The following ATRX variants were observed in gnomAD, a reference collection of about 807,000 sequenced individuals.
ATRX encodes chromatin remodeler ATRX.
Under a neutral mutation model 172.6 loss-of-function variants are expected in ATRX, and 12 were observed. That is an observed-to-expected ratio of 0.07 (90% CI 0.04 to 0.11). The LOEUF is 0.11. Among genes scored for constraint, ATRX ranks in the 10% least tolerant of loss-of-function variants. The pLI is 1.00. For missense variants in ATRX, 1,368 were observed against 1,767.4 expected, an observed-to-expected ratio of 0.77 and a Z score of 4.05; for synonymous variants, 674 against 594.7, an observed-to-expected ratio of 1.13 and a Z score of -1.94.
intron 10 of ATRX, among the ~76,000 whole-genome samples, chrX:77,673,045 A>G (rs1038660095): frequency 1.8e-5 from 2 of 111,590 alleles, no homozygotes; most frequent in Admixed American, 1.9e-4. Flanking sequence ...ATGATCCTCA[A>G]AACTAATACT....
At chrX:77,528,862 C>T (rs1005153175) in intron 30 of ATRX, among the ~76,000 whole-genome samples, 1 of 111,601 alleles carries the variant, frequency 9.0e-6, no homozygotes, top group Non-Finnish European at 1.9e-5. Flanking sequence ...TAACAAATAT[C>T]GCTGGGCTAA....
At chrX:77,727,596 C>T (rs1557173801) in intron 1 of ATRX, among the ~76,000 whole-genome samples, 1 of 108,366 alleles carries the variant, frequency 9.2e-6, no homozygotes, top group African/African-American at 3.4e-5. Flanking sequence ...AAACCAAACA[C>T]TGCATGTTCT....
At chrX:77,589,255 G>A (rs1390929686) in intron 27 of ATRX, among the ~76,000 whole-genome samples, 1 of 111,525 alleles carries the variant, frequency 9.0e-6, no homozygotes, top group Admixed American at 9.5e-5. Context: ...TTATGTGAGG[G>A]AGTTTTGGGC....
chrX:77,756,069 C>T (rs782124676), intron 1 of ATRX, among the ~76,000 whole-genome samples: 21 of 112,029 alleles, frequency 1.9e-4, no homozygotes, highest in African/African-American at 4.2e-4. Context: ...AATCTAGAGA[C>T]GCAGTCTGGC....
intron 30 of ATRX, among the ~76,000 whole-genome samples, chrX:77,545,490 T>G (rs1351718986): frequency 2.7e-5 from 3 of 110,923 alleles, no homozygotes; most frequent in Non-Finnish European, 5.7e-5. Flanking sequence ...TCAAACAAAT[T>G]TAAGAGTCTA....
chrX:77,683,249 T>G lies in ATRX; in HGVS notation c.2007A>C (p.Glu669Asp), dbSNP rs2071354085. ...VKTTPLRRPT[E>D]TNPVTSNSDE... ...CTGAATTAGATGTTACAGGGTTAGTTTCTGTCGGTCGCCTCAAGGGTGTAG... is the reference window on the plus strand; with the variant it reads ...CTGAATTAGATGTTACAGGGTTAGTGTCTGTCGGTCGCCTCAAGGGTGTAG... The change falls in exon 9 of 35, where the codon GAA becomes GAC. Residue 669 changes from glutamate to aspartate, a missense_variant. Around this residue, in one of 17 missense-constraint regions of ATRX, gnomAD observed 843 missense variants for 643.1 expected, o/e 1.31. Coordinates refer to ENST00000373344, the MANE Select transcript of ATRX (RefSeq NM_000489.6). 12 of 1,211,338 alleles carry G rather than the reference T, an allele frequency of 9.9e-6. No homozygotes were observed. Among genetic ancestry groups the G allele is most frequent in the Non-Finnish European group, 1.3e-5 (12 of 895,224 alleles).
intron 1 of ATRX, among the ~76,000 whole-genome samples, chrX:77,778,853 A>G (rs891765945): frequency 9.0e-6 from 1 of 111,545 alleles, no homozygotes; most frequent in African/African-American, 3.3e-5. Flanking sequence ...GCTACTCCTC[A>G]CATCTGGAAT....
chrX:77,585,453 G>A (rs1569526753), intron 27 of ATRX, among the ~76,000 whole-genome samples: 1 of 105,238 alleles, frequency 9.5e-6, no homozygotes, highest in Non-Finnish European at 1.9e-5. Context: ...GTGTATGCCT[G>A]TAGTCCCAGC....
chrX:77,555,651 A>G (rs1299245138), intron 30 of ATRX, among the ~76,000 whole-genome samples: 3 of 110,691 alleles, frequency 2.7e-5, no homozygotes, highest in Non-Finnish European at 3.8e-5. Context: ...TGGCAGTTGA[A>G]CAATGAGAAC....
At chrX:77,536,431 T>C (rs2063751634) in intron 30 of ATRX, among the ~76,000 whole-genome samples, 1 of 111,492 alleles carries the variant, frequency 9.0e-6, no homozygotes, top group Non-Finnish European at 1.9e-5. Flanking sequence ...ATTCACCTAC[T>C]TAAACCCTTA....
At chrX:77,750,150 CTATTT>C (rs1175547720) in intron 1 of ATRX, among the ~76,000 whole-genome samples, 8 of 111,417 alleles carry the variant, frequency 7.2e-5, no homozygotes, top group South Asian at 7.5e-4. Flanking sequence ...TATAATTGTT[CTATTT>C]TATTATAGTT....
intron 30 of ATRX, among the ~76,000 whole-genome samples, chrX:77,525,377 A>AC (rs1364082546): frequency 2.7e-5 from 3 of 110,930 alleles, no homozygotes; most frequent in South Asian, 3.9e-4. Context: ...TCCTATGCCC[A>AC]CCCCCCCAAC....
At chrX:77,713,011 T>C (rs1288786790) in intron 2 of ATRX, among the ~76,000 whole-genome samples, 2 of 108,083 alleles carry the variant, frequency 1.9e-5, no homozygotes, top group Non-Finnish European at 3.8e-5. Flanking sequence ...TAGCTGGGTA[T>C]GGTGGCGCAT....
chrX:77,651,193 G>T (rs1464909183), intron 15 of ATRX, among the ~76,000 whole-genome samples: 9 of 69,343 alleles, frequency 1.3e-4, no homozygotes, highest in Non-Finnish European at 2.2e-4. Flanking sequence ...CTCCAGCCTG[G>T]GTGACAAGAG....
chrX:77,673,425 A>C (rs1458185320), intron 10 of ATRX, among the ~76,000 whole-genome samples: 1 of 111,367 alleles, frequency 9.0e-6, no homozygotes, highest in African/African-American at 3.2e-5. Context: ...ATAAAGCCTA[A>C]GCTCTAAATT....
chrX:77,671,167 A>AAAAAAAAAATAT (rs1424480831), intron 10 of ATRX, among the ~76,000 whole-genome samples: 2 of 15,735 alleles, frequency 1.3e-4, no homozygotes, highest in African/African-American at 2.1e-4. Context: ...AAAAAAAAAA[A>AAAAAAAAAATAT]ATATATATAT....
intron 2 of ATRX, chrX:77,698,895 G>C (rs782680824): frequency 2.6e-6 from 1 of 384,006 alleles, no homozygotes; most frequent in Non-Finnish European, 4.8e-6. Context: ...TATAAATATT[G>C]CAAGACATTT....
chrX:77,626,627 T>A (rs1382819487), intron 19 of ATRX, among the ~76,000 whole-genome samples: 1 of 111,497 alleles, frequency 9.0e-6, no homozygotes, highest in Non-Finnish European at 1.9e-5. Context: ...GTCCTTCTTA[T>A]GAGTTACCAA....
chrX:77,529,792 C>T (rs1557045548), intron 30 of ATRX, among the ~76,000 whole-genome samples: 2 of 111,900 alleles, frequency 1.8e-5, no homozygotes, highest in Non-Finnish European at 3.8e-5. Context: ...GATGCTAAAG[C>T]AGATTCATAA....
Sources: allele counts gnomAD v4.1 joint callset (sites outside exome capture counted in the v4.1 genomes callset), GRCh38; gene constraint gnomAD v4.1.1; regional missense constraint gnomAD v4.1.1; transcripts MANE v1.5; gene names NCBI Gene and HGNC (gene_info 2026-07-23, HGNC 2026-07-21).